The following DLC1 variants were observed in gnomAD, a reference collection of about 807,000 sequenced individuals.
The protein encoded by DLC1 is rho GTPase-activating protein 7.
DLC1 carries 54 observed loss-of-function variants against 140.3 expected under a neutral mutation model. The ratio of observed to expected loss-of-function variants is 0.38; its 90% CI spans 0.31 to 0.48. DLC1 has a LOEUF of 0.48. Ranked by LOEUF, DLC1 falls within the 20% of genes least tolerant of loss-of-function variation. The pLI is 0.96. For missense variants in DLC1, 2,536 were observed against 1,907.0 expected, an observed-to-expected ratio of 1.33 and a Z score of -6.14; for synonymous variants, 986 against 728.1, an observed-to-expected ratio of 1.35 and a Z score of -5.70.
At chr8:13,138,837 A>C (rs1194514409) in intron 5 of DLC1, among the ~76,000 whole-genome samples, 1 of 152,194 alleles carries the variant, frequency 6.6e-6, no homozygotes, top group Non-Finnish European at 1.5e-5. Context: ...AAAGAGGAGA[A>C]TAATAAGGGG....
At chr8:13,320,525 A>C (rs1244926434) in intron 4 of DLC1, among the ~76,000 whole-genome samples, 1 of 152,150 alleles carries the variant, frequency 6.6e-6, no homozygotes, top group African/African-American at 2.4e-5. Context: ...AAGCCACACA[A>C]CTGCTATACT....
At chr8:13,444,947 A>G (rs1037562195) in intron 2 of DLC1, among the ~76,000 whole-genome samples, 1 of 152,206 alleles carries the variant, frequency 6.6e-6, no homozygotes, top group Non-Finnish European at 1.5e-5. Context: ...GAATGAATGA[A>G]GATGTAGGAA....
At chr8:13,172,943 C>T (rs1825564442) in intron 5 of DLC1, among the ~76,000 whole-genome samples, 1 of 152,192 alleles carries the variant, frequency 6.6e-6, no homozygotes, top group African/African-American at 2.4e-5. Context: ...ATTACAGACC[C>T]TTACTGGGTA....
chr8:13,570,744 A>T (rs1329720036), intron 1 of DLC1, among the ~76,000 whole-genome samples: 2 of 150,948 alleles, frequency 1.3e-5, no homozygotes, highest in Non-Finnish European at 3.0e-5. Flanking sequence ...CACCTGGCAT[A>T]CTCTCCCGCT....
At chr8:13,526,871 T>C (rs1563421186) in intron 1 of DLC1, among the ~76,000 whole-genome samples, 1 of 152,186 alleles carries the variant, frequency 6.6e-6, no homozygotes, top group South Asian at 2.1e-4. Flanking sequence ...TGTATACATA[T>C]GTAACAAACC....
intron 10 of DLC1, 58 bp from the exon 11 acceptor site, chr8:13,095,303 C>T (rs1170165536): frequency 2.5e-6 from 4 of 1,604,432 alleles, no homozygotes; most frequent in African/African-American, 1.3e-5. Flanking sequence ...TGTCTGTCTA[C>T]ACTTGTCCAA....
chr8:13,365,965 T>C (rs956956986), intron 4 of DLC1, among the ~76,000 whole-genome samples: 1 of 152,072 alleles, frequency 6.6e-6, no homozygotes, highest in Non-Finnish European at 1.5e-5. Context: ...GAGGGGAAAA[T>C]GTACCAGCCA....
At chr8:13,216,542 C>T (rs1828207392) in intron 5 of DLC1, among the ~76,000 whole-genome samples, 1 of 152,176 alleles carries the variant, frequency 6.6e-6, no homozygotes, top group African/African-American at 2.4e-5. Context: ...TCCCTCTACC[C>T]AGCAGAACGT....
rs148894280 is a variant in DLC1 at position 13,505,809 on chromosome 8, A to G, written c.-125-5613T>C. Among the ~76,000 whole-genome samples, 496 of 152,342 alleles carry G rather than the reference A, an allele frequency of 3.3e-3. 2 individuals are homozygous for G. The highest frequency in any genetic ancestry group is 0.01 in the African/African-American group (432 of 41,574). ...GGAATTCCTGAAATTTGGAACAGGT[A>G]TTCTTAGGAATTGTCTAAGCCATAG... On this transcript the variant is annotated intron_variant, in intron 1 of 17. Transcript: ENST00000276297.
intron 4 of DLC1, among the ~76,000 whole-genome samples, chr8:13,334,695 C>A (rs1000202565): frequency 6.6e-6 from 1 of 152,122 alleles, no homozygotes; most frequent in South Asian, 2.1e-4. Context: ...ATCAAAAATT[C>A]CTTCTGGGTG....
At chr8:13,453,515 C>CAT (rs1339025396) in intron 2 of DLC1, among the ~76,000 whole-genome samples, 237 of 23,300 alleles carry the variant, frequency 0.01, 18 homozygotes, top group Non-Finnish European at 0.015. Context: ...TATATATATA[C>CAT]ATATATATAT....
At chr8:13,293,483 C>A (rs1328637494) in intron 5 of DLC1, among the ~76,000 whole-genome samples, 1 of 152,058 alleles carries the variant, frequency 6.6e-6, no homozygotes, top group Non-Finnish European at 1.5e-5. Context: ...CATGGATAGA[C>A]CTGAGATTAG....
chr8:13,220,837 A>C (rs759378530), intron 5 of DLC1, among the ~76,000 whole-genome samples: 1 of 152,200 alleles, frequency 6.6e-6, no homozygotes, highest in East Asian at 1.9e-4. Flanking sequence ...AGAATTGTCA[A>C]CTGTTCACAT....
chr8:13,177,818 G>A (rs890170334), intron 5 of DLC1, among the ~76,000 whole-genome samples: 3 of 152,124 alleles, frequency 2.0e-5, no homozygotes, highest in African/African-American at 7.2e-5. Flanking sequence ...GCTGAATCAG[G>A]TGGAACTATT....
intron 1 of DLC1, among the ~76,000 whole-genome samples, chr8:13,598,521 T>C (rs1408633993): frequency 1.3e-5 from 2 of 152,122 alleles, no homozygotes; most frequent in Non-Finnish European, 2.9e-5. Context: ...AATAACCTAC[T>C]ATTTTAGTAA....
intron 1 of DLC1, among the ~76,000 whole-genome samples, chr8:13,584,839 T>C (rs1438206838): frequency 5.9e-5 from 9 of 152,156 alleles, no homozygotes; most frequent in African/African-American, 2.2e-4. Flanking sequence ...CTCCCTTTTC[T>C]TTCTCCCGCA....
Position 13,100,703 on chromosome 8 carries a change from T to A in DLC1, c.1634A>T (p.Lys545Met). The A allele has an allele frequency of 6.2e-7, 1 of 1,610,876 alleles. No homozygotes were observed. ...SGKWTFQRDS[K>M]RWSRLEEFDV... is the part of the protein sequence containing the mutation. Reference sequence around the variant, plus strand: ...AAACTCTTCAAGCCGGGACCACCTCTTGCTGTCCCTTTGGAAAGTCCATTT... The same window carrying A: ...AAACTCTTCAAGCCGGGACCACCTCATGCTGTCCCTTTGGAAAGTCCATTT... Residue 545 changes from lysine (K) to methionine (M), a missense_variant, in exon 9 of 18, where the codon AAG becomes ATG. By Grantham distance (95) the Lys-to-Met change is moderately conservative. Coordinates refer to ENST00000276297, the MANE Select transcript of DLC1 (RefSeq NM_182643.3).
At chr8:13,591,625 TA>T (rs1457486852) in intron 1 of DLC1, among the ~76,000 whole-genome samples, 1 of 152,066 alleles carries the variant, frequency 6.6e-6, no homozygotes, top group Non-Finnish European at 1.5e-5. Flanking sequence ...GGATAAATAT[TA>T]GGAGTGTTTT....
At position 13,401,472 on chromosome 8, in the gene DLC1, G is replaced by A. The variant is rs753570652; in HGVS notation, c.1171C>T (p.Pro391Ser). 10 of 1,612,178 alleles carry A rather than the reference G, an allele frequency of 6.2e-6. No individual in the cohort carries two copies. The South Asian group carries it at 1.1e-4, about 18-fold the overall frequency. Residue 391 changes from proline (P) to serine (S), a missense_variant and splice_region_variant, in exon 3 of 18, where the codon CCT (proline) becomes TCT (serine). Physicochemically the swap from Pro to Ser is moderately conservative, Grantham distance 74. Coordinates refer to ENST00000276297, the MANE Select transcript of DLC1 (RefSeq NM_182643.3). ...GAAGTAGAAAGTGGAAAGCTCACAG[G>A]AACGTGCCGCCGCAGGTTTGTTGGT... ...GTPTNLRRHV[P>S]DLESGSESGA...
Sources: allele counts gnomAD v4.1 joint callset (sites outside exome capture counted in the v4.1 genomes callset), GRCh38; gene constraint gnomAD v4.1.1; transcripts MANE v1.5; gene names NCBI Gene and HGNC (gene_info 2026-07-23, HGNC 2026-07-21).